SV2C: variants seen among roughly 807,000 people sequenced by gnomAD.
SV2C encodes solute carrier family 22 member B3.
Under a neutral mutation model 79.7 loss-of-function variants are expected in SV2C, and 49 were observed. That is an observed-to-expected ratio of 0.61 (90% CI 0.49 to 0.78). The LOEUF is 0.78. Among genes scored for constraint, SV2C ranks in the 30% least tolerant of loss-of-function variants. The probability of loss-of-function intolerance (pLI) is 0.00; values close to 1 mark genes in which losing one functional copy is unlikely to be tolerated. For synonymous variants in SV2C, 334 were observed against 333.2 expected, an observed-to-expected ratio of 1.00 and a Z score of -0.03; for missense variants, 833 against 912.9, an observed-to-expected ratio of 0.91 and a Z score of 1.13.
the SV2C span, chr5:75,911,731 A>G: frequency 2.8e-5 from 18 of 647,686 alleles, no homozygotes; most frequent in Non-Finnish European, 5.1e-5. Flanking sequence ...GGAAGACAAG[A>G]AAGAGGATAA....
the SV2C span, among the ~76,000 whole-genome samples, chr5:75,867,385 G>A: frequency 5.3e-5 from 8 of 152,222 alleles, no homozygotes; most frequent in Middle Eastern, 3.4e-3. Flanking sequence ...GACAGTAGGC[G>A]GACCACGGCT....
intron 4 of SV2C, among the ~76,000 whole-genome samples, chr5:76,228,698 A>G (rs1403982604): frequency 6.6e-6 from 1 of 152,160 alleles, no homozygotes; most frequent in Non-Finnish European, 1.5e-5. Context: ...ATCCTGTACT[A>G]ATGTTTATTG....
chr5:76,094,374 G>T (rs1399235917), intron 1 of SV2C, among the ~76,000 whole-genome samples: 6 of 152,032 alleles, frequency 3.9e-5, no homozygotes, highest in African/African-American at 7.2e-5. Flanking sequence ...ACCAAAGATT[G>T]GTTTTGCTTA....
At chr5:75,967,557 C>A in the SV2C span, among the ~76,000 whole-genome samples, 2 of 152,176 alleles carry the variant, frequency 1.3e-5, no homozygotes, top group African/African-American at 4.8e-5. Context: ...CCTATGCCCA[C>A]AGAGCCTCGC....
At chr5:75,989,051 G>A in the SV2C span, among the ~76,000 whole-genome samples, 1,202 of 151,988 alleles carry the variant, frequency 7.9e-3, 16 homozygotes, top group African/African-American at 0.027. Context: ...TACTACATAA[G>A]TGGAGTTCTT....
intron 6 of SV2C, among the ~76,000 whole-genome samples, chr5:76,290,036 C>G (rs1747503697): frequency 6.6e-6 from 1 of 152,018 alleles, no homozygotes; most frequent in African/African-American, 2.4e-5. Flanking sequence ...AAAGCGGAAG[C>G]CTCCCAAAAG....
the SV2C span, among the ~76,000 whole-genome samples, chr5:75,877,612 AT>A: frequency 0.1 from 14,716 of 141,904 alleles, 852 homozygotes; most frequent in African/African-American, 0.19. Context: ...AAAAAAAAAA[AT>A]CAAATTGAAA....
At chr5:76,119,394 A>T (rs564661444) in intron 1 of SV2C, among the ~76,000 whole-genome samples, 68 of 152,312 alleles carry the variant, frequency 4.5e-4, no homozygotes, top group African/African-American at 1.4e-3. Context: ...CAGATGCCAG[A>T]AGTGGAAAAG....
the SV2C span, among the ~76,000 whole-genome samples, chr5:75,976,593 T>C: frequency 6.6e-6 from 1 of 151,846 alleles, no homozygotes; most frequent in Admixed American, 6.6e-5. Flanking sequence ...AAAAGCAACA[T>C]GACCAATTGA....
Position 76,291,293 on chromosome 5 carries a change from A to G in SV2C, c.1210A>G (p.Arg404Gly). 6.2e-7 allele frequency: 1 copy of G among 1,613,272 alleles called. No homozygotes were observed. Among genetic ancestry groups the G allele is most frequent in the South Asian group, 1.1e-5 (1 of 90,996 alleles). ...EIESDTGTWY[R>G]RCFVRIRTEL... ...TGAGAGTGACACAGGAACATGGTAT[A>G]GGAGGTGTTTTGTTCGGATCCGCAC... Residue 404 changes from arginine to glycine, a missense_variant, in exon 7 of 13, where the codon AGG becomes GGG. Transcript: ENST00000502798.
At chr5:75,863,724 T>C in the SV2C span, among the ~76,000 whole-genome samples, 1 of 152,336 alleles carries the variant, frequency 6.6e-6, no homozygotes, top group East Asian at 1.9e-4. Context: ...TGAGATATTT[T>C]TAAAGACCGA....
At chr5:75,910,303 C>G in the SV2C span, 1 of 526,096 alleles carries the variant, frequency 1.9e-6, no homozygotes, top group East Asian at 4.9e-5. Context: ...TCCTCACACC[C>G]TGGTCAGCCA....
intron 4 of SV2C, among the ~76,000 whole-genome samples, chr5:76,237,969 A>AACACACACACACAC (rs200837649): frequency 1.5e-5 from 2 of 136,936 alleles, no homozygotes; most frequent in Admixed American, 7.1e-5. Flanking sequence ...CCAGAGGACT[A>AACACACACACACAC]ACACACACAC....
At chr5:75,910,764 T>C in the SV2C span, 2 of 1,362,308 alleles carry the variant, frequency 1.5e-6, no homozygotes, top group Admixed American at 1.7e-5. Context: ...GAGCTGCCTA[T>C]TCTTTATAAC....
the SV2C span, among the ~76,000 whole-genome samples, chr5:75,967,545 G>T: frequency 1.3e-5 from 2 of 152,292 alleles, no homozygotes; most frequent in South Asian, 2.1e-4. Context: ...GGCTCAGAAG[G>T]TCCTATGCCC....
chr5:76,089,941 A>T (rs1053357465), intron 1 of SV2C, among the ~76,000 whole-genome samples: 1 of 152,232 alleles, frequency 6.6e-6, no homozygotes, highest in African/African-American at 2.4e-5. Context: ...CTTCATAGGC[A>T]CTGTACTTTA....
At chr5:76,051,872 AGG>A in the SV2C span, among the ~76,000 whole-genome samples, 1 of 152,234 alleles carries the variant, frequency 6.6e-6, no homozygotes, top group Non-Finnish European at 1.5e-5. Flanking sequence ...GAAAAAAATG[AGG>A]GTAATAATTG....
chr5:75,998,856 T>C, the SV2C span, among the ~76,000 whole-genome samples: 2 of 152,128 alleles, frequency 1.3e-5, no homozygotes, highest in Admixed American at 1.3e-4. Flanking sequence ...ATTGTATATA[T>C]ACACACATAT....
chr5:76,237,397 T>G (rs937460598), intron 4 of SV2C, among the ~76,000 whole-genome samples: 6 of 152,176 alleles, frequency 3.9e-5, no homozygotes, highest in Non-Finnish European at 8.8e-5. Flanking sequence ...ATGTATTGGG[T>G]GAACTATCTT....
Sources: allele counts gnomAD v4.1 joint callset (sites outside exome capture counted in the v4.1 genomes callset), GRCh38; gene constraint gnomAD v4.1.1; transcripts MANE v1.5; gene names NCBI Gene and HGNC (gene_info 2026-07-23, HGNC 2026-07-21).